The following MALRD1 variants were observed in gnomAD, a reference collection of about 807,000 sequenced individuals.
The protein encoded by MALRD1 is MAM and LDL-receptor class A domain-containing protein 1.
Under a neutral mutation model 242.1 loss-of-function variants are expected in MALRD1, and 247 were observed. The observed-to-expected ratio is 1.02, with a 90% confidence interval of 0.92 to 1.13. The LOEUF (loss-of-function observed/expected upper bound fraction) is 1.13, where lower values mean the gene tolerates loss of function less well. Ranked by LOEUF, MALRD1 falls within the 50% of genes most tolerant of loss-of-function variation. The pLI, the probability that MALRD1 is intolerant of heterozygous loss-of-function variation, is 0.00. For missense variants in MALRD1, 2,989 were observed against 2,533.1 expected (o/e 1.18, Z -3.86); for synonymous variants, 995 against 866.6 (o/e 1.15, Z -2.60).
Position 19,329,211 on chromosome 10 carries a change from G to C in MALRD1, c.3687+1538G>C, listed in dbSNP as rs184965731. ...CTTCCATATTAAGCACTTACTACGT[G>C]CAAAGCACATTGCTATGCACCATGC... On this transcript the variant is annotated intron_variant, in intron 23 of 39. Transcript: ENST00000454679. Among the ~76,000 whole-genome samples the C allele has an allele frequency of 6.6e-5, 10 of 152,258 alleles. No individual in the cohort carries two copies. In the East Asian group the frequency reaches 1.7e-3, roughly 27 times the overall value.
chr10:19,405,389 T>C (rs1049316706), intron 28 of MALRD1, among the ~76,000 whole-genome samples: 1 of 152,192 alleles, frequency 6.6e-6, no homozygotes, highest in Non-Finnish European at 1.5e-5. Context: ...TTCTCAGCAT[T>C]GTGTACTTTT....
At chr10:19,238,358 A>G (rs1283791641) in intron 18 of MALRD1, among the ~76,000 whole-genome samples, 1 of 79,970 alleles carries the variant, frequency 1.3e-5, no homozygotes, top group African/African-American at 5.1e-5. Context: ...ATAATATATA[A>G]TACATAATAT....
At chr10:19,608,085 CAT>C (rs1838723689) in intron 35 of MALRD1, among the ~76,000 whole-genome samples, 183 bp downstream of exon 35, 2 of 151,686 alleles carry the variant, frequency 1.3e-5, no homozygotes, top group South Asian at 2.1e-4. Flanking sequence ...GTATTATAAA[CAT>C]ATAATGGGCT....
chr10:19,166,015 A>G (rs539174647), intron 13 of MALRD1, among the ~76,000 whole-genome samples: 4 of 152,352 alleles, frequency 2.6e-5, no homozygotes, highest in African/African-American at 7.2e-5. Context: ...TTCAACATTA[A>G]TGAAGCAAAC....
Position 19,088,168 on chromosome 10 carries a change from A to G in MALRD1, c.580A>G (p.Ser194Gly). Reference protein sequence around the residue: ...QWERNVIKIQSSQRFQVVFEG... With the variant: ...QWERNVIKIQGSQRFQVVFEG... ...GGAGAGAAATGTCATCAAAATCCAG[A>G]GTTCACAGAGATTTCAGGTATGTGT... Residue 194 changes from serine to glycine, a missense_variant, in exon 4 of 40, where the codon AGT becomes GGT. Transcript: ENST00000454679. The G allele has an allele frequency of 8.1e-7, 1 of 1,233,370 alleles. No individual in the cohort carries two copies. The highest frequency in any genetic ancestry group is 1.0e-6 in the Non-Finnish European group (1 of 987,752). 76.4% of individuals were successfully genotyped at this position (1,233,370 alleles called of 1,614,324 possible).
At chr10:19,287,959 T>C (rs946637338) in intron 21 of MALRD1, among the ~76,000 whole-genome samples, 3 of 152,116 alleles carry the variant, frequency 2.0e-5, no homozygotes, top group Non-Finnish European at 4.4e-5. Flanking sequence ...AGAAAGAATG[T>C]GTTGGTACTG....
intron 32 of MALRD1, among the ~76,000 whole-genome samples, chr10:19,537,060 G>C (rs541572392): frequency 6.6e-6 from 1 of 152,142 alleles, no homozygotes; most frequent in Non-Finnish European, 1.5e-5. Context: ...TAGAAATTTC[G>C]AGGGCTGGCA....
At chr10:19,211,125 T>C (rs934483583) in intron 18 of MALRD1, among the ~76,000 whole-genome samples, 4 of 152,166 alleles carry the variant, frequency 2.6e-5, no homozygotes, top group Non-Finnish European at 2.9e-5. Context: ...GCCCTTCTTA[T>C]GATATTTACT....
At chr10:19,241,526 A>T (rs1838773149) in intron 18 of MALRD1, among the ~76,000 whole-genome samples, 1 of 151,732 alleles carries the variant, frequency 6.6e-6, no homozygotes, top group Admixed American at 6.6e-5. Context: ...TATCTTTTGA[A>T]ATATTTTTTA....
chr10:19,530,378 AATATTAT>A (rs1292257132), intron 31 of MALRD1, among the ~76,000 whole-genome samples: 10 of 101,044 alleles, frequency 9.9e-5, no homozygotes, highest in African/African-American at 3.7e-4. Context: ...TATTTATATA[AATATTAT>A]ATATTTATAT....
chr10:19,382,558 T>C (rs1288308189), intron 26 of MALRD1, among the ~76,000 whole-genome samples: 1 of 152,180 alleles, frequency 6.6e-6, no homozygotes, highest in Non-Finnish European at 1.5e-5. Context: ...GTTTTATTTT[T>C]CATGTTTGAG....
At chr10:19,346,414 T>G (rs938369623) in intron 24 of MALRD1, among the ~76,000 whole-genome samples, 2 of 152,146 alleles carry the variant, frequency 1.3e-5, no homozygotes, top group Non-Finnish European at 2.9e-5. Context: ...CCTTAAAAAT[T>G]TTGAACAATT....
intron 27 of MALRD1, among the ~76,000 whole-genome samples, chr10:19,388,882 A>G (rs1008034320): frequency 9.4e-5 from 2 of 21,312 alleles, no homozygotes; most frequent in Non-Finnish European, 1.7e-4. Context: ...AGGTCTACTG[A>G]AAAAAAAAAA....
intron 10 of MALRD1, among the ~76,000 whole-genome samples, chr10:19,145,436 G>C (rs1329066835): frequency 6.6e-6 from 1 of 152,090 alleles, no homozygotes; most frequent in Non-Finnish European, 1.5e-5. Flanking sequence ...TTGAGGTCAG[G>C]AGTTCGAGAC....
chr10:19,476,228 T>C (rs563196223), intron 29 of MALRD1, among the ~76,000 whole-genome samples: 1 of 152,142 alleles, frequency 6.6e-6, no homozygotes, highest in Non-Finnish European at 1.5e-5. Context: ...ACTAGATGCC[T>C]GTCCACACCA....
At chr10:19,233,213 T>C (rs1348769458) in intron 18 of MALRD1, among the ~76,000 whole-genome samples, 1 of 152,070 alleles carries the variant, frequency 6.6e-6, no homozygotes, top group Non-Finnish European at 1.5e-5. Context: ...TTAAAAACTA[T>C]TCAATTGGCT....
chr10:19,656,763 G>A (rs1841171390), intron 36 of MALRD1, among the ~76,000 whole-genome samples: 1 of 152,028 alleles, frequency 6.6e-6, no homozygotes, highest in Non-Finnish European at 1.5e-5. Context: ...ATTCATTAGG[G>A]TGTCTATCAG....
intron 19 of MALRD1, among the ~76,000 whole-genome samples, chr10:19,273,817 G>A (rs1188147495): frequency 6.6e-6 from 1 of 152,164 alleles, no homozygotes; most frequent in Admixed American, 6.5e-5. Flanking sequence ...GACAGGAATA[G>A]GGTGTCAGAT....
At chr10:19,269,056 G>A (rs534284175) in intron 19 of MALRD1, among the ~76,000 whole-genome samples, 52 of 152,146 alleles carry the variant, frequency 3.4e-4, no homozygotes, top group Middle Eastern at 3.4e-3. Context: ...TTGTTTCATC[G>A]GCAAAGATTT....
Sources: allele counts gnomAD v4.1 joint callset (sites outside exome capture counted in the v4.1 genomes callset), GRCh38; gene constraint gnomAD v4.1.1; transcripts MANE v1.5; gene names NCBI Gene and HGNC (gene_info 2026-07-23, HGNC 2026-07-21).